Variants in MYO3A observed in about 807,000 individuals in gnomAD.
MYO3A encodes the protein myosin-IIIa.
In MYO3A, 180 loss-of-function variants were observed where a neutral mutation model predicts 192.7. That is an observed-to-expected ratio of 0.93 (90% CI 0.83 to 1.06). The LOEUF (loss-of-function observed/expected upper bound fraction) is 1.06, where lower values mean the gene tolerates loss of function less well. MYO3A is among the 50% of genes least tolerant of loss of function. The pLI, the probability that MYO3A is intolerant of heterozygous loss-of-function variation, is 0.00. For missense variants in MYO3A, 1,896 were observed against 1,905.0 expected (o/e 1.00, Z 0.09); for synonymous variants, 628 against 645.3 (o/e 0.97, Z 0.41).
intron 17 of MYO3A, among the ~76,000 whole-genome samples, chr10:26,111,312 C>A (rs1452652000): frequency 1.3e-5 from 2 of 152,156 alleles, no homozygotes; most frequent in East Asian, 3.9e-4. Flanking sequence ...GCTAGGGGCA[C>A]ACTCCAAGGA....
At chr10:26,176,984 T>C in intron 31 of MYO3A, 139 bp downstream of exon 31, 7 of 989,408 alleles carry the variant, frequency 7.1e-6, no homozygotes, top group South Asian at 1.5e-5. Context: ...TCATTTCTTA[T>C]ATGGAGATAC....
chr10:26,189,735 G>T (rs980422640), intron 31 of MYO3A, among the ~76,000 whole-genome samples: 1 of 152,118 alleles, frequency 6.6e-6, no homozygotes, highest in Non-Finnish European at 1.5e-5. Flanking sequence ...ATAAATTTTT[G>T]AAACTTGAAA....
At chr10:26,031,444 T>C (rs1842797212) in intron 10 of MYO3A, among the ~76,000 whole-genome samples, 1 of 152,206 alleles carries the variant, frequency 6.6e-6, no homozygotes, top group Non-Finnish European at 1.5e-5. Flanking sequence ...AGGTTCTAAG[T>C]TCCATACTGG....
In MYO3A at chr10:26,023,958, C is replaced by G. The variant is rs2297917; in HGVS notation, c.732-64C>G. On this transcript the variant is annotated intron_variant, in intron 8 of 34. Transcript: ENST00000642920. Reference sequence around the variant, plus strand: ...TAGGATTGCATTAGTCTATCTGGCTCTGCCTCTCATTTTACACTGACTGAC... The same window carrying G: ...TAGGATTGCATTAGTCTATCTGGCTGTGCCTCTCATTTTACACTGACTGAC... 4.8e-4 allele frequency: 685 copies of G among 1,432,712 alleles called. 7 individuals are homozygous for G. In the East Asian group the frequency reaches 0.013, roughly 28 times the overall value. 88.7% of individuals were successfully genotyped at this position (1,432,712 alleles called of 1,614,324 possible). A position where few individuals can be genotyped will look rare whatever the true frequency, so the allele number is the denominator to read the frequency against.
chr10:26,061,232 A>C lies in MYO3A; in HGVS notation c.954-5743A>C, dbSNP rs550731877. On this transcript the variant is annotated intron_variant, in intron 10 of 34. Coordinates refer to ENST00000642920, the MANE Select transcript of MYO3A (RefSeq NM_017433.5). Reference sequence around the variant, plus strand: ...GTGTGAGCCACCACGCCCGGCCGACACCTTGTTTTTTGCAGCTTTGTATCA... The same window carrying C: ...GTGTGAGCCACCACGCCCGGCCGACCCCTTGTTTTTTGCAGCTTTGTATCA... Among the ~76,000 whole-genome samples, 32 of 152,246 alleles carry C rather than the reference A, an allele frequency of 2.1e-4. No homozygotes were observed. The South Asian group carries it at 6.6e-3, about 32-fold the overall frequency.
At chr10:26,016,283 T>C (rs566273389) in intron 6 of MYO3A, among the ~76,000 whole-genome samples, 16 of 152,322 alleles carry the variant, frequency 1.1e-4, no homozygotes, top group Non-Finnish European at 2.1e-4. Context: ...TAAATAGATA[T>C]AGTTAATTTG....
At chr10:26,061,970 G>A (rs1465113387) in intron 10 of MYO3A, among the ~76,000 whole-genome samples, 1 of 152,150 alleles carries the variant, frequency 6.6e-6, no homozygotes, top group Admixed American at 6.5e-5. Context: ...GAAAATAGGG[G>A]AGTAAATGAG....
chr10:26,209,076 CT>C (rs1844104952), intron 34 of MYO3A, among the ~76,000 whole-genome samples: 1 of 152,340 alleles, frequency 6.6e-6, no homozygotes, highest in Middle Eastern at 3.4e-3. Context: ...TCCAAACTTC[CT>C]GGCTCTCAGC....
Position 26,176,703 on chromosome 10 carries a change from A to G in MYO3A, c.4296A>G (p.Ile1432Met). ...ACGLAIFSKQ[I>M]SKLSEEYFIL... ...CTGACACATGACCTTCTTTTTAGAT[A>G]TCAAAGTTATCTGAAGAATATTTCA... is the stretch of plus-strand genomic sequence containing the variant. The change falls in exon 31 of 35, where the codon ATA (isoleucine) becomes ATG (methionine). Residue 1432 changes from isoleucine (I) to methionine (M), a missense_variant and splice_region_variant. Coordinates refer to ENST00000642920, the MANE Select transcript of MYO3A (RefSeq NM_017433.5). 1 of 1,608,198 alleles carries G rather than the reference A, an allele frequency of 6.2e-7. No individual in the cohort carries two copies. The highest frequency in any genetic ancestry group is 1.3e-5 in the African/African-American group (1 of 74,930).
intron 10 of MYO3A, among the ~76,000 whole-genome samples, chr10:26,045,359 G>C (rs1478812850): frequency 7.6e-6 from 1 of 132,438 alleles, no homozygotes; most frequent in Non-Finnish European, 1.7e-5. Context: ...AACTTGTATG[G>C]GTGGCATTAG....
chr10:26,039,622 T>C (rs917036129), intron 10 of MYO3A, among the ~76,000 whole-genome samples: 4 of 152,132 alleles, frequency 2.6e-5, no homozygotes, highest in Non-Finnish European at 4.4e-5. Context: ...GTAGGTTGTA[T>C]GTGTCTGGGA....
At chr10:26,088,958 A>G (rs893078695) in intron 15 of MYO3A, among the ~76,000 whole-genome samples, 1 of 152,214 alleles carries the variant, frequency 6.6e-6, no homozygotes, top group Non-Finnish European at 1.5e-5. Flanking sequence ...GCTTAATGAC[A>G]AAGTTTCTCT....
At chr10:26,090,638 G>A (rs1021655860) in intron 15 of MYO3A, among the ~76,000 whole-genome samples, 2 of 152,106 alleles carry the variant, frequency 1.3e-5, no homozygotes, top group Admixed American at 1.3e-4. Flanking sequence ...GAGGAGCTTT[G>A]AGTGACCTAT....
intron 4 of MYO3A, among the ~76,000 whole-genome samples, chr10:25,984,436 A>G (rs1839519480): frequency 1.3e-5 from 2 of 152,138 alleles, no homozygotes; most frequent in African/African-American, 4.8e-5. Context: ...GGCTACATAA[A>G]TAACACACCT....
At chr10:26,182,461 A>G (rs1261557024) in intron 31 of MYO3A, among the ~76,000 whole-genome samples, 2 of 152,206 alleles carry the variant, frequency 1.3e-5, no homozygotes, top group Non-Finnish European at 2.9e-5. Flanking sequence ...CCTTTTATCT[A>G]TGTGTTATGA....
chr10:26,147,376 G>T, intron 22 of MYO3A, 54 bp from the exon 23 acceptor site: 2 of 1,521,114 alleles, frequency 1.3e-6, no homozygotes, highest in Non-Finnish European at 1.8e-6. Context: ...TGGTGAGGAG[G>T]AGGAGGATGA....
chr10:26,139,849 G>A (rs1422042708), intron 20 of MYO3A, among the ~76,000 whole-genome samples: 2 of 152,104 alleles, frequency 1.3e-5, no homozygotes, highest in East Asian at 1.9e-4. Context: ...CTGAGATCAT[G>A]CCGCTGCACA....
intron 29 of MYO3A, among the ~76,000 whole-genome samples, chr10:26,171,072 A>T (rs1161847425): frequency 2.0e-5 from 3 of 152,230 alleles, no homozygotes; most frequent in Non-Finnish European, 4.4e-5. Flanking sequence ...ATTACAGAAA[A>T]AACAGGACAG....
At chr10:25,946,720 A>G (rs111606619) in intron 2 of MYO3A, among the ~76,000 whole-genome samples, 2,691 of 151,654 alleles carry the variant, frequency 0.018, 88 homozygotes, top group African/African-American at 0.061. Flanking sequence ...TCTACTAAAA[A>G]TACAAAAAAT....
Sources: gnomAD v4.1 joint callset for allele counts (sites outside exome capture counted in the v4.1 genomes callset) on GRCh38, gnomAD v4.1.1 for gene constraint, MANE v1.5 for transcripts, NCBI Gene and HGNC (gene_info 2026-07-23, HGNC 2026-07-21) for gene names.